Variants in CDHR1 observed in about 807,000 individuals in gnomAD.
CDHR1 encodes cadherin related family member 1.
Under a neutral mutation model 72.1 loss-of-function variants are expected in CDHR1, and 61 were observed. That is an observed-to-expected ratio of 0.85 (90% CI 0.69 to 1.05). CDHR1 has a LOEUF of 1.05. Ranked by LOEUF, CDHR1 falls within the 50% of genes least tolerant of loss-of-function variation. CDHR1 has a pLI of 0.00. For synonymous variants in CDHR1, 470 were observed against 448.1 expected (o/e 1.05, Z -0.62); for missense variants, 1,186 against 1,115.7 (o/e 1.06, Z -0.90).
rs888368754 is a variant in CDHR1 at position 84,194,831 on chromosome 10, G to C, written c.55+16G>C. ...CTCTGCTTGGGTGAGTGGCCGCTGG[G>C]CCGCGCTGGCCGCGTGGATGGCGAG... On this transcript the variant is annotated intron_variant, in intron 1 of 16. Transcript: ENST00000623527. 12 of 1,532,882 alleles carry C rather than the reference G, an allele frequency of 7.8e-6. No individual in the cohort carries two copies. In the South Asian group the frequency reaches 1.4e-4, roughly 18 times the overall value. 95.0% of individuals were successfully genotyped at this position (1,532,882 alleles called of 1,614,324 possible). A position where few individuals can be genotyped will look rare whatever the true frequency, so the allele number is the denominator to read the frequency against.
chr10:84,197,715 C>A, intron 3 of CDHR1, 71 bp from the exon 4 acceptor site: 1 of 1,403,834 alleles, frequency 7.1e-7, no homozygotes, highest in Non-Finnish European at 1.0e-6. Flanking sequence ...GCAGGGAGAG[C>A]TCCATCCAGC....
Position 84,215,952 on chromosome 10 carries a change from G to A in CDHR1, c.*1331G>A. 1 of 985,322 alleles carries A rather than the reference G, an allele frequency of 1.0e-6. No individual in the cohort carries two copies. The highest frequency in any genetic ancestry group is 1.2e-6 in the Non-Finnish European group (1 of 829,848). The allele number at this position is 985,322 out of a possible 1,614,324, so 61.0% of individuals were successfully genotyped here. On this transcript the variant is annotated 3_prime_UTR_variant, in exon 17 of 17. Transcript: ENST00000623527. ...AAGATGAAGAAAATGAGTTCTCAAG[G>A]AGGGAATGCTTTGCTTGAGGCCACA...
intron 6 of CDHR1, 121 bp downstream of exon 6, chr10:84,200,808 A>C: frequency 4.1e-6 from 3 of 728,236 alleles, no homozygotes; most frequent in Non-Finnish European, 2.5e-6. Flanking sequence ...GAAGTACATG[A>C]AGGGTTGGGA....
intron 8 of CDHR1, 129 bp downstream of exon 8, chr10:84,203,252 T>C: frequency 8.3e-7 from 1 of 1,202,614 alleles, no homozygotes; most frequent in Non-Finnish European, 1.2e-6. Flanking sequence ...AGAGGCCAGC[T>C]CTGGACTCAC....
chr10:84,208,842 T>C lies in CDHR1; in HGVS notation c.1281T>C (p.Ala427=). ...TCACAATCATTGTGGAGAACTCAGCTGCCATTGACTTTGAAAAGTCCAAAG... is the reference window on the plus strand; with the variant it reads ...TCACAATCATTGTGGAGAACTCAGCCGCCATTGACTTTGAAAAGTCCAAAG... ...AQVTIIVENS[A]AIDFEKSKVL... is the part of the protein sequence containing the mutation. Residue 427 remains alanine (A), a synonymous_variant, in exon 12 of 17, where the codon GCT becomes GCC. Transcript: ENST00000623527. 1 of 1,614,192 alleles carries C rather than the reference T, an allele frequency of 6.2e-7. No homozygotes were observed. The highest frequency in any genetic ancestry group is 8.5e-7 in the Non-Finnish European group (1 of 1,180,030).
rs1375343974 is a variant in CDHR1 at position 84,212,335 on chromosome 10, T to C, written c.1710T>C (p.Asn570=). 2 of 1,614,204 alleles carry C rather than the reference T, an allele frequency of 1.2e-6. No homozygotes were observed. The highest frequency in any genetic ancestry group is 1.3e-5 in the African/African-American group (1 of 75,044). Reference sequence around the variant, plus strand: ...TGTTTATCACACTGCTGGATGTCAATGACCACCCCCCTCAGTTTGGAAAGA... The same window carrying C: ...TGTTTATCACACTGCTGGATGTCAACGACCACCCCCCTCAGTTTGGAAAGA... ...AEVFITLLDV[N]DHPPQFGKSV... Residue 570 remains asparagine (N), a synonymous_variant, in exon 15 of 17, where the codon AAT becomes AAC. Transcript: ENST00000623527.
intron 2 of CDHR1, 23 bp from the exon 3 acceptor site, chr10:84,196,482 C>T: frequency 6.2e-7 from 1 of 1,614,108 alleles, no homozygotes; most frequent in Non-Finnish European, 8.5e-7. Context: ...GATTCTATGT[C>T]TCTCCACTGT....
intron 12 of CDHR1, among the ~76,000 whole-genome samples, chr10:84,209,525 C>T (rs1842290549): frequency 6.6e-6 from 1 of 151,210 alleles, no homozygotes; most frequent in African/African-American, 2.4e-5. Flanking sequence ...CCTGAAATAA[C>T]ATTGTTCCTG....
At position 84,194,688 on chromosome 10, in the gene CDHR1, G is replaced by C; in HGVS notation, c.-73G>C. The C allele has an allele frequency of 8.0e-7, 1 of 1,249,298 alleles. No individual in the cohort carries two copies. The highest frequency in any genetic ancestry group is 1.0e-6 in the Non-Finnish European group (1 of 964,384). The allele number at this position is 1,249,298 out of a possible 1,614,324, so 77.4% of individuals were successfully genotyped here. Reference sequence around the variant, plus strand: ...CCATTGTGGTCTCTGCCCTCCCCGCGGGCCCAGGGCATGCTCCGTGCCCCT... The same window carrying C: ...CCATTGTGGTCTCTGCCCTCCCCGCCGGCCCAGGGCATGCTCCGTGCCCCT... On this transcript the variant is annotated 5_prime_UTR_variant, in exon 1 of 17. Transcript: ENST00000623527.
intron 5 of CDHR1, among the ~76,000 whole-genome samples, 171 bp downstream of exon 5, chr10:84,199,292 T>C (rs1390155267): frequency 6.6e-6 from 1 of 152,232 alleles, no homozygotes; most frequent in African/African-American, 2.4e-5. Context: ...TTTGCTTTTT[T>C]CCATTATACA....
At chr10:84,203,828 G>A (rs1315834134) in intron 8 of CDHR1, among the ~76,000 whole-genome samples, 1 of 152,228 alleles carries the variant, frequency 6.6e-6, no homozygotes, top group Non-Finnish European at 1.5e-5. Context: ...GCTGCAGGGT[G>A]GGCCAGCGTA....
In CDHR1 at chr10:84,216,911, C is replaced by G. The variant is rs370277933; in HGVS notation, c.*2290C>G. ...AAGCTTGGGAAGCACTGTCGTCTCTCAGACAGGCGTCCTAAAGACCTCTAG... is the reference window on the plus strand; with the variant it reads ...AAGCTTGGGAAGCACTGTCGTCTCTGAGACAGGCGTCCTAAAGACCTCTAG... On this transcript the variant is annotated 3_prime_UTR_variant, in exon 17 of 17. Coordinates refer to ENST00000623527, the MANE Select transcript of CDHR1 (RefSeq NM_033100.4). 6 of 985,398 alleles carry G rather than the reference C, an allele frequency of 6.1e-6. No individual in the cohort carries two copies. The highest frequency in any genetic ancestry group is 6.1e-5 in the Admixed American group (1 of 16,274). 61.0% of individuals were successfully genotyped at this position (985,398 alleles called of 1,614,324 possible). A position where few individuals can be genotyped will look rare whatever the true frequency, so the allele number is the denominator to read the frequency against.
chr10:84,216,063 G>C lies in CDHR1; in HGVS notation c.*1442G>C. On this transcript the variant is annotated 3_prime_UTR_variant, in exon 17 of 17. Coordinates refer to ENST00000623527, the MANE Select transcript of CDHR1 (RefSeq NM_033100.4). ...CTTCCCCAGGACAGAAGTCATACAA[G>C]GCCTCTGGGGTTAATACAAATAGGT... The C allele has an allele frequency of 1.0e-6, 1 of 985,452 alleles. No homozygotes were observed. The highest frequency in any genetic ancestry group is 1.2e-6 in the Non-Finnish European group (1 of 829,948). 61.0% of individuals were successfully genotyped at this position (985,452 alleles called of 1,614,324 possible).
At position 84,214,989 on chromosome 10, in the gene CDHR1, C is replaced by A. The variant is rs1842404629; in HGVS notation, c.*368C>A. 1 of 1,172,968 alleles carries A rather than the reference C, an allele frequency of 8.5e-7. No homozygotes were observed. The highest frequency in any genetic ancestry group is 1.6e-5 in the African/African-American group (1 of 63,128). The allele number at this position is 1,172,968 out of a possible 1,614,324, so 72.7% of individuals were successfully genotyped here. ...TCAGGTTCTACTGGGATCTCATCATCATCCTTAGTCAAGCAGCAGGGCCCT... is the reference window on the plus strand; with the variant it reads ...TCAGGTTCTACTGGGATCTCATCATAATCCTTAGTCAAGCAGCAGGGCCCT... On this transcript the variant is annotated 3_prime_UTR_variant, in exon 17 of 17. Coordinates refer to ENST00000623527, the MANE Select transcript of CDHR1 (RefSeq NM_033100.4).
Position 84,215,488 on chromosome 10 carries a change from GGTGAGACTTCC to G in CDHR1, c.*870_*880del. ...TTGATGAATATCAGGGCTGAGATGT[GGTGAGACTTCC>G]GTTTTTATCCAGCTCTTTTGCTCAC... is the stretch of plus-strand genomic sequence containing the variant. On this transcript the variant is annotated 3_prime_UTR_variant, in exon 17 of 17. Transcript: ENST00000623527. 1.0e-6 allele frequency: 1 copy of G among 978,786 alleles called. No homozygotes were observed. The allele number at this position is 978,786 out of a possible 1,614,324, so 60.6% of individuals were successfully genotyped here.
rs755523331 is a variant in CDHR1 at position 84,213,183 on chromosome 10, C to A, written c.1875C>A (p.His625Gln). The A allele has an allele frequency of 6.2e-7, 1 of 1,614,260 alleles. No individual in the cohort carries two copies. Among genetic ancestry groups the A allele is most frequent in the South Asian group, 1.1e-5 (1 of 91,088 alleles). Reference protein sequence around the residue: ...EPANVFDINSHTGEIWLKNSI... With the variant: ...EPANVFDINSQTGEIWLKNSI... ...CCAACGTGTTCGACATCAATTCCCACACGGGGGAGATCTGGCTCAAGAATT... is the reference window on the plus strand; with the variant it reads ...CCAACGTGTTCGACATCAATTCCCAAACGGGGGAGATCTGGCTCAAGAATT... Residue 625 changes from histidine (H) to glutamine (Q), a missense_variant, in exon 16 of 17, where the codon CAC (histidine) becomes CAA (glutamine). By Grantham distance (24) the His-to-Gln change is conservative. Transcript: ENST00000623527.
chr10:84,196,741 C>T (rs1418941434), intron 3 of CDHR1, 91 bp downstream of exon 3: 1 of 1,457,498 alleles, frequency 6.9e-7, no homozygotes, highest in African/African-American at 1.4e-5. Flanking sequence ...TGGTTAGAAC[C>T]TCTCCACAGA....
At chr10:84,207,499 A>G (rs925301258) in intron 10 of CDHR1, among the ~76,000 whole-genome samples, 5 of 152,190 alleles carry the variant, frequency 3.3e-5, no homozygotes, top group Non-Finnish European at 7.3e-5. Context: ...TTTAGGATAC[A>G]AAAGACCAGA....
chr10:84,208,080 C>T lies in CDHR1; in HGVS notation c.964-94C>T, dbSNP rs560269766. On this transcript the variant is annotated intron_variant, in intron 10 of 16. Transcript: ENST00000623527. Reference sequence around the variant, plus strand: ...GTTGCTAAGCCAGGACACACTCAAACGGAGGGGATTATACATTCTGCAGGG... The same window carrying T: ...GTTGCTAAGCCAGGACACACTCAAATGGAGGGGATTATACATTCTGCAGGG... 65 of 1,136,782 alleles carry T rather than the reference C, an allele frequency of 5.7e-5. 1 individual carries two copies. Among genetic ancestry groups the T allele is most frequent in the South Asian group, 2.4e-4 (19 of 80,654 alleles). The allele number at this position is 1,136,782 out of a possible 1,614,324, so 70.4% of individuals were successfully genotyped here.
Sources: allele counts gnomAD v4.1 joint callset (sites outside exome capture counted in the v4.1 genomes callset), GRCh38; gene constraint gnomAD v4.1.1; transcripts MANE v1.5; gene names NCBI Gene and HGNC (gene_info 2026-07-23, HGNC 2026-07-21).